Variants in C2orf49 observed in about 807,000 individuals in gnomAD.
The protein encoded by C2orf49 is tRNA-splicing ligase complex subunit ASW.
C2orf49 carries 11 observed loss-of-function variants against 20.6 expected under a neutral mutation model. That is an observed-to-expected ratio of 0.53 (90% CI 0.34 to 0.88). The LOEUF (loss-of-function observed/expected upper bound fraction) is 0.88, where lower values mean the gene tolerates loss of function less well. Among genes scored for constraint, C2orf49 ranks in the 40% least tolerant of loss-of-function variants. The pLI is 0.02. For synonymous variants in C2orf49, 134 were observed against 108.5 expected (o/e 1.24, Z -1.46); for missense variants, 289 against 274.2 (o/e 1.05, Z -0.38).
intron 1 of C2orf49, among the ~76,000 whole-genome samples, chr2:105,339,357 A>G (rs1484071225): frequency 6.6e-6 from 1 of 152,216 alleles, no homozygotes; most frequent in East Asian, 1.9e-4. Context: ...GTGGACAGCA[A>G]TCCCTGTCAC....
chr2:105,344,387 G>C (rs1223198139), intron 3 of C2orf49, among the ~76,000 whole-genome samples: 2 of 151,504 alleles, frequency 1.3e-5, no homozygotes, highest in African/African-American at 2.4e-5. Flanking sequence ...TTTTTTTCCA[G>C]GCTCTTAAAC....
the C2orf49 span, chr2:105,373,765 G>T: frequency 6.2e-7 from 1 of 1,611,596 alleles, no homozygotes; most frequent in Non-Finnish European, 8.5e-7. Context: ...GACAGTCAGA[G>T]GCAGGACAGG....
the C2orf49 span, among the ~76,000 whole-genome samples, chr2:105,361,672 G>A: frequency 6.6e-6 from 1 of 152,200 alleles, no homozygotes; most frequent in African/African-American, 2.4e-5. Flanking sequence ...TGGGATAAGT[G>A]CGATCAAAGA....
the C2orf49 span, among the ~76,000 whole-genome samples, chr2:105,364,841 A>G: frequency 6.6e-6 from 1 of 152,264 alleles, no homozygotes; most frequent in Non-Finnish European, 1.5e-5. Context: ...GACTTGCCAA[A>G]GAATTCATAG....
the C2orf49 span, among the ~76,000 whole-genome samples, chr2:105,381,336 G>C: frequency 3.3e-5 from 5 of 152,116 alleles, no homozygotes; most frequent in East Asian, 5.8e-4. Context: ...CATGTCACAG[G>C]TGCTCCCTAG....
chr2:105,381,839 C>T, the C2orf49 span, among the ~76,000 whole-genome samples: 2 of 152,186 alleles, frequency 1.3e-5, no homozygotes, highest in African/African-American at 2.4e-5. Context: ...ACCAGGTTGG[C>T]AGGCTGGACC....
chr2:105,371,546 A>ATC, the C2orf49 span, among the ~76,000 whole-genome samples: 23,092 of 140,886 alleles, frequency 0.16, 2,108 homozygotes, highest in African/African-American at 0.25. Flanking sequence ...ATCCCTTGAA[A>ATC]TCTCTCTCTC....
At chr2:105,352,042 C>G (rs1401469795), downstream of C2orf49, among the ~76,000 whole-genome samples, 1 of 152,266 alleles carries the variant, frequency 6.6e-6, no homozygotes, top group East Asian at 1.9e-4. Flanking sequence ...AAACATGGCT[C>G]CTACCAACCA....
the C2orf49 span, among the ~76,000 whole-genome samples, chr2:105,357,291 T>C: frequency 1.3e-5 from 2 of 152,348 alleles, no homozygotes; most frequent in South Asian, 2.1e-4. Flanking sequence ...TGTTGTTCCG[T>C]CTTCAAGTTC....
the C2orf49 span, among the ~76,000 whole-genome samples, chr2:105,361,971 A>G: frequency 6.6e-6 from 1 of 152,356 alleles, no homozygotes; most frequent in East Asian, 1.9e-4. Flanking sequence ...ATAGAATGGA[A>G]TCAAATATTT....
rs1679818661 is a variant in C2orf49 at position 105,346,616 on chromosome 2, A to T, written c.*1245A>T. ...TTTATAAGAGTCCAGGAAGCATAGC[A>T]GTCAGGGGCAAAAATTAGCGTAATA... On this transcript the variant is annotated 3_prime_UTR_variant, in exon 4 of 4. Coordinates refer to ENST00000258457, the MANE Select transcript of C2orf49 (RefSeq NM_024093.3). 1 of 152,252 alleles carries T rather than the reference A, an allele frequency of 6.6e-6. No individual in the cohort carries two copies. The highest frequency in any genetic ancestry group is 2.4e-5 in the African/African-American group (1 of 41,454). The allele number at this position is 152,252 out of a possible 1,614,324, so 9.4% of individuals were successfully genotyped here.
Position 105,348,979 on chromosome 2 carries a change from T to C in C2orf49, c.*3608T>C, listed in dbSNP as rs1679879062. The C allele has an allele frequency of 2.0e-5, 3 of 152,134 alleles. No individual in the cohort carries two copies. The highest frequency in any genetic ancestry group is 7.2e-5 in the African/African-American group (3 of 41,410). The allele number at this position is 152,134 out of a possible 1,614,324, so 9.4% of individuals were successfully genotyped here. A position where few individuals can be genotyped will look rare whatever the true frequency, so the allele number is the denominator to read the frequency against. ...GCTGGAGTGGTCTGGTGCTGGGATATCACGGTGCTACAGAGCCTGACATGT... is the reference window on the plus strand; with the variant it reads ...GCTGGAGTGGTCTGGTGCTGGGATACCACGGTGCTACAGAGCCTGACATGT... On this transcript the variant is annotated 3_prime_UTR_variant, in exon 4 of 4. Coordinates refer to ENST00000258457, the MANE Select transcript of C2orf49 (RefSeq NM_024093.3).
the C2orf49 span, among the ~76,000 whole-genome samples, chr2:105,381,815 A>G: frequency 6.6e-6 from 1 of 152,220 alleles, no homozygotes; most frequent in African/African-American, 2.4e-5. Context: ...AACCACCCCA[A>G]CAAATAAAAA....
the C2orf49 span, chr2:105,361,507 T>A: frequency 7.8e-6 from 11 of 1,401,712 alleles, no homozygotes; most frequent in African/African-American, 1.6e-4. Context: ...GAAGGAATTC[T>A]GGTTTGATCC....
the C2orf49 span, among the ~76,000 whole-genome samples, chr2:105,385,445 A>G: frequency 0.11 from 17,409 of 152,268 alleles, 1,191 homozygotes; most frequent in East Asian, 0.31. Context: ...GGAGAGCAGC[A>G]AAAATCCCTA....
the C2orf49 span, among the ~76,000 whole-genome samples, chr2:105,361,938 G>A: frequency 6.6e-6 from 1 of 152,090 alleles, no homozygotes; most frequent in African/African-American, 2.4e-5. Context: ...GCAGTGGGAA[G>A]ATCCTGAGAA....
In C2orf49 at chr2:105,348,947, G is replaced by T. The variant is rs1679878279; in HGVS notation, c.*3576G>T. ...TATCTTGTAGCCCTTCTTTGAATGA[G>T]AGGGTGGCTGGAGTGGTCTGGTGCT... On this transcript the variant is annotated 3_prime_UTR_variant, in exon 4 of 4. Coordinates refer to ENST00000258457, the MANE Select transcript of C2orf49 (RefSeq NM_024093.3). 6.6e-6 allele frequency: 1 copy of T among 152,120 alleles called. No homozygotes were observed. The highest frequency in any genetic ancestry group is 2.4e-5 in the African/African-American group (1 of 41,418). 9.4% of individuals were successfully genotyped at this position (152,120 alleles called of 1,614,324 possible). A position where few individuals can be genotyped will look rare whatever the true frequency, so the allele number is the denominator to read the frequency against.
chr2:105,372,427 A>G, the C2orf49 span, among the ~76,000 whole-genome samples: 2 of 152,052 alleles, frequency 1.3e-5, no homozygotes, highest in African/African-American at 4.8e-5. Context: ...GCGTTTTACC[A>G]TGTTAGCCTG....
chr2:105,368,380 G>A, the C2orf49 span, among the ~76,000 whole-genome samples: 1 of 152,070 alleles, frequency 6.6e-6, no homozygotes, highest in South Asian at 2.1e-4. Context: ...CACCCAGGCT[G>A]GAGTGCAGTG....
Sources: gnomAD v4.1 joint callset for allele counts (sites outside exome capture counted in the v4.1 genomes callset) on GRCh38, gnomAD v4.1.1 for gene constraint, MANE v1.5 for transcripts, NCBI Gene and HGNC (gene_info 2026-07-23, HGNC 2026-07-21) for gene names.